MYO18A: variants seen among roughly 807,000 people sequenced by gnomAD.
MYO18A encodes myosin XVIIIA, also known as unconventional myosin-XVIIIa.
A neutral mutation model predicts 235.8 loss-of-function variants in MYO18A; 78 were observed. The ratio of observed to expected loss-of-function variants is 0.33; its 90% CI spans 0.28 to 0.40. MYO18A has a LOEUF of 0.40. Among genes scored for constraint, MYO18A ranks in the 10% least tolerant of loss-of-function variants. The pLI, the probability that MYO18A is intolerant of heterozygous loss-of-function variation, is 1.00. For missense variants in MYO18A, 2,215 were observed against 2,699.3 expected (o/e 0.82, Z 3.98); for synonymous variants, 977 against 1,077.8 (o/e 0.91, Z 1.83).
At chr17:29,151,016 T>C (rs2067954203) in intron 2 of MYO18A, among the ~76,000 whole-genome samples, 1 of 151,310 alleles carries the variant, frequency 6.6e-6, no homozygotes, top group Non-Finnish European at 1.5e-5. Flanking sequence ...AGGTCAGGAG[T>C]TGCTGTGGTT....
chr17:29,119,317 C>G lies in MYO18A; in HGVS notation c.1829+18G>C. Reference sequence around the variant, plus strand: ...CTGGAGTTCAGAGAACCCTTGTGTACCCTCTGACCCATCTCACCTGAGGGT... The same window carrying G: ...CTGGAGTTCAGAGAACCCTTGTGTAGCCTCTGACCCATCTCACCTGAGGGT... On this transcript the variant is annotated intron_variant, in intron 8 of 41. Coordinates refer to ENST00000527372, the MANE Select transcript of MYO18A (RefSeq NM_078471.4). 1 of 1,590,626 alleles carries G rather than the reference C, an allele frequency of 6.3e-7. No individual in the cohort carries two copies. Among genetic ancestry groups the G allele is most frequent in the Non-Finnish European group, 8.6e-7 (1 of 1,163,930 alleles).
intron 10 of MYO18A, among the ~76,000 whole-genome samples, 153 bp from the exon 11 acceptor site, chr17:29,116,608 C>G (rs1380458948): frequency 8.0e-6 from 1 of 124,256 alleles, no homozygotes; most frequent in Non-Finnish European, 1.7e-5. Flanking sequence ...AGACTTGGGA[C>G]AAACGCACAC....
At position 29,106,960 on chromosome 17, in the gene MYO18A, T is replaced by C; in HGVS notation, c.3441+120A>G. 1 of 968,152 alleles carries C rather than the reference T, an allele frequency of 1.0e-6. No homozygotes were observed. Among genetic ancestry groups the C allele is most frequent in the Non-Finnish European group, 1.6e-6 (1 of 626,082 alleles). The allele number at this position is 968,152 out of a possible 1,614,324, so 60.0% of individuals were successfully genotyped here. A position where few individuals can be genotyped will look rare whatever the true frequency, so the allele number is the denominator to read the frequency against. On this transcript the variant is annotated intron_variant, in intron 20 of 41. Transcript: ENST00000527372. This position sits in a 1 kb window ranked among gnomAD's most constrained non-coding sequence, Gnocchi z 4.6. ...GGACACAGCTGGGTGCTTCCAAAACTGGGAGCCTGAGCAGGGCCAGATGAG... is the reference window on the plus strand; with the variant it reads ...GGACACAGCTGGGTGCTTCCAAAACCGGGAGCCTGAGCAGGGCCAGATGAG...
intron 2 of MYO18A, among the ~76,000 whole-genome samples, chr17:29,153,258 T>C (rs1347419891): frequency 6.6e-6 from 1 of 152,180 alleles, no homozygotes; most frequent in Non-Finnish European, 1.5e-5. Flanking sequence ...TAACTGGGAC[T>C]ACAGGCACAC....
rs2067288942 is a variant in MYO18A at position 29,125,059 on chromosome 17, C to T, written c.1000-2806G>A. Among the ~76,000 whole-genome samples, 1 of 152,190 alleles carries T rather than the reference C, an allele frequency of 6.6e-6. No homozygotes were observed. The highest frequency in any genetic ancestry group is 2.4e-5 in the African/African-American group (1 of 41,436). On this transcript the variant is annotated intron_variant, in intron 2 of 41. Coordinates refer to ENST00000527372, the MANE Select transcript of MYO18A (RefSeq NM_078471.4). The surrounding 1 kb of genome is among the most constrained non-coding windows in gnomAD (Gnocchi z 5.1). Reference sequence around the variant, plus strand: ...TCAGGCTCCCTCTTCTGTGTGTCTACCAGGTCAGGCCACCTCACCACACCC... The same window carrying T: ...TCAGGCTCCCTCTTCTGTGTGTCTATCAGGTCAGGCCACCTCACCACACCC...
In MYO18A at chr17:29,117,200, C is replaced by T. The variant is rs2067093854; in HGVS notation, c.2039-745G>A. Among the ~76,000 whole-genome samples the T allele has an allele frequency of 6.6e-6, 1 of 152,198 alleles. No homozygotes were observed. The highest frequency in any genetic ancestry group is 1.5e-5 in the Non-Finnish European group (1 of 68,038). ...AAAGGGGGTGAAGAGGTGCTCGAAT[C>T]GCCATCCTCCAACGTAAGTCATCTT... On this transcript the variant is annotated intron_variant, in intron 10 of 41. Coordinates refer to ENST00000527372, the MANE Select transcript of MYO18A (RefSeq NM_078471.4). This position sits in a 1 kb window ranked among gnomAD's most constrained non-coding sequence, Gnocchi z 4.6.
rs367888758 is a variant in MYO18A, at chr17:29,114,946, G to A, written c.2472C>T (p.His824=). The A allele has an allele frequency of 2.4e-5, 39 of 1,613,996 alleles. 1 individual carries two copies. Among genetic ancestry groups the A allele is most frequent in the Middle Eastern group, 1.6e-4 (1 of 6,062 alleles). ...YTQDRLQRLF[H]ERTFVQELER... ...CCAACTCCTGCACGAAGGTGCGCTCGTGGAAGAGCCTCTGCAGCCGGTCTT... is the reference window on the plus strand; with the variant it reads ...CCAACTCCTGCACGAAGGTGCGCTCATGGAAGAGCCTCTGCAGCCGGTCTT... Residue 824 remains histidine, a synonymous_variant, in exon 14 of 42, where the codon CAC becomes CAT. Transcript: ENST00000527372.
rs558604794 is a variant in MYO18A, at chr17:29,106,685, C to T, written c.3441+395G>A. ...TGGCACCACGGAGGTCTCACCATAT[C>T]CACCTTCCTTCTAGGAGGAATGTTC... On this transcript the variant is annotated intron_variant, in intron 20 of 41. Transcript: ENST00000527372. This position sits in a 1 kb window ranked among gnomAD's most constrained non-coding sequence, Gnocchi z 4.6. Among the ~76,000 whole-genome samples, 4 of 152,344 alleles carry T rather than the reference C, an allele frequency of 2.6e-5. No homozygotes were observed. The highest frequency in any genetic ancestry group is 9.6e-5 in the African/African-American group (4 of 41,580).
Position 29,109,939 on chromosome 17 carries a change from G to A in MYO18A, c.3250C>T (p.Leu1084Phe), listed in dbSNP as rs755915184. Residue 1084 changes from leucine to phenylalanine, a missense_variant, in exon 19 of 42, where the codon CTC (leucine) becomes TTC (phenylalanine). Coordinates refer to ENST00000527372, the MANE Select transcript of MYO18A (RefSeq NM_078471.4). The surrounding 1 kb of genome is among the most constrained non-coding windows in gnomAD (Gnocchi z 4.1). ...LPSGDHCEAGLLQLDVPLLRT... is the reference protein window; with the variant it reads ...LPSGDHCEAGFLQLDVPLLRT... The stretch of plus-strand genomic sequence containing the variant: ...AGCAGGGGCACGTCGAGCTGCAGGA[G>A]CCCAGCCTCGCAGTGGTCTCCCGAG... 4 of 1,604,336 alleles carry A rather than the reference G, an allele frequency of 2.5e-6. No individual in the cohort carries two copies. Among genetic ancestry groups the A allele is most frequent in the Admixed American group, 1.7e-5 (1 of 58,612 alleles).
chr17:29,108,086 G>C (rs1003835015), intron 19 of MYO18A, among the ~76,000 whole-genome samples: 1 of 151,824 alleles, frequency 6.6e-6, no homozygotes, highest in African/African-American at 2.4e-5. Flanking sequence ...CACTTATCTC[G>C]AATGGTAGTC....
At chr17:29,169,302 G>A (rs1346183681) in intron 1 of MYO18A, among the ~76,000 whole-genome samples, 3 of 152,030 alleles carry the variant, frequency 2.0e-5, no homozygotes, top group Non-Finnish European at 2.9e-5. Context: ...CACCTGTCTC[G>A]GCCTCCCAAA....
intron 1 of MYO18A, among the ~76,000 whole-genome samples, chr17:29,175,085 A>C (rs1264314143): frequency 6.6e-6 from 1 of 152,136 alleles, no homozygotes; most frequent in East Asian, 1.9e-4. Flanking sequence ...AGAAGGGTCA[A>C]ATAGACTTGT....
At chr17:29,082,757 T>C (rs1427446153) in intron 40 of MYO18A, among the ~76,000 whole-genome samples, 1 of 152,100 alleles carries the variant, frequency 6.6e-6, no homozygotes, top group Admixed American at 6.5e-5. Flanking sequence ...CTCATCAATT[T>C]CAGCTAAATG....
chr17:29,093,983 C>A lies in MYO18A; in HGVS notation c.4818G>T (p.Lys1606Asn). The A allele has an allele frequency of 6.2e-7, 1 of 1,605,514 alleles. No homozygotes were observed. Among genetic ancestry groups the A allele is most frequent in the Non-Finnish European group, 8.5e-7 (1 of 1,176,042 alleles). Reference protein sequence around the residue: ...EVEEARQSCQKKLKQMEVQLE... With the variant: ...EVEEARQSCQNKLKQMEVQLE... ...GGTAAGTACTCAGATACCTTACCTT[C>A]TTCTGACACGACTGCCGGGCCTCCT... is the stretch of plus-strand genomic sequence containing the variant. Residue 1606 changes from lysine to asparagine, a missense_variant, in exon 31 of 42, where the codon AAG (lysine) becomes AAT (asparagine). By Grantham distance (94) the Lys-to-Asn change is moderately conservative. Coordinates refer to ENST00000527372, the MANE Select transcript of MYO18A (RefSeq NM_078471.4).
At chr17:29,091,042 C>T in intron 34 of MYO18A, 116 bp from the exon 35 acceptor site, 1 of 795,176 alleles carries the variant, frequency 1.3e-6, no homozygotes, top group South Asian at 1.6e-5. Context: ...AGCCTGCCTG[C>T]TGGGGTGGGT....
intron 28 of MYO18A, 125 bp from the exon 29 acceptor site, chr17:29,095,184 G>A (rs973620802): frequency 1.9e-5 from 25 of 1,343,228 alleles, no homozygotes; most frequent in Non-Finnish European, 2.3e-5. Flanking sequence ...CAGCCCTAAC[G>A]TGGGGCCAGT....
intron 1 of MYO18A, among the ~76,000 whole-genome samples, chr17:29,178,098 C>G (rs913897812): frequency 6.6e-6 from 1 of 152,190 alleles, no homozygotes; most frequent in African/African-American, 2.4e-5. Flanking sequence ...AAGACACATG[C>G]AGTCCTCAAT....
intron 36 of MYO18A, 23 bp downstream of exon 36, chr17:29,090,509 C>T (rs1353041065): frequency 3.2e-6 from 5 of 1,568,106 alleles, no homozygotes; most frequent in African/African-American, 1.4e-5. Context: ...TCTCTCTCTC[C>T]TGAGGGAGCC....
chr17:29,073,130 G>A lies in MYO18A; in HGVS notation c.*1640C>T, dbSNP rs1486057043. ...GAGAGGGAGAGAGGGAGGGACGGAA[G>A]GAGGAAGAGAAGAGAAGAGAAGAGA... On this transcript the variant is annotated 3_prime_UTR_variant, in exon 42 of 42. Coordinates refer to ENST00000527372, the MANE Select transcript of MYO18A (RefSeq NM_078471.4). The A allele has an allele frequency of 7.6e-6, 1 of 130,946 alleles. No homozygotes were observed. The highest frequency in any genetic ancestry group is 3.9e-4 in the East Asian group (1 of 2,536). 8.1% of individuals were successfully genotyped at this position (130,946 alleles called of 1,614,324 possible). A position where few individuals can be genotyped will look rare whatever the true frequency, so the allele number is the denominator to read the frequency against.
Sources: gnomAD v4.1 joint callset for allele counts (sites outside exome capture counted in the v4.1 genomes callset) on GRCh38, gnomAD v4.1.1 for gene constraint, Gnocchi (gnomAD v3.1) non-coding constraint, MANE v1.5 for transcripts, NCBI Gene and HGNC (gene_info 2026-07-23, HGNC 2026-07-21) for gene names.